Variants in EML3 observed in about 807,000 individuals in gnomAD.
EML3 encodes echinoderm microtubule-associated protein-like 3.
EML3 carries 53 observed loss-of-function variants against 106.7 expected under a neutral mutation model. The observed-to-expected ratio is 0.50, with a 90% CI of 0.40 to 0.62. The LOEUF is 0.62. Among genes scored for constraint, EML3 ranks in the 20% least tolerant of loss-of-function variants. The pLI, the probability that EML3 is intolerant of heterozygous loss-of-function variation, is 0.00. For synonymous variants in EML3, 499 were observed against 489.6 expected, an observed-to-expected ratio of 1.02 and a Z score of -0.25; for missense variants, 994 against 1,209.1, an observed-to-expected ratio of 0.82 and a Z score of 2.64.
At chr11:62,610,058 A>G (rs1942734564) in intron 4 of EML3, among the ~76,000 whole-genome samples, 1 of 152,200 alleles carries the variant, frequency 6.6e-6, no homozygotes, top group African/African-American at 2.4e-5. Context: ...CCTGGGTTCA[A>G]GCAATTCTCC....
At chr11:62,611,654 G>A in intron 1 of EML3, 58 bp from the exon 2 acceptor site, 1 of 1,536,370 alleles carries the variant, frequency 6.5e-7, no homozygotes, top group African/African-American at 1.4e-5. Flanking sequence ...AAGCGTAGAG[G>A]GGATTCTGTC....
chr11:62,608,881 C>A, intron 7 of EML3, 76 bp from the exon 8 acceptor site: 1 of 1,583,476 alleles, frequency 6.3e-7, no homozygotes, highest in South Asian at 1.2e-5. Context: ...GCTTGCAGAG[C>A]AGCAAGGCAA....
chr11:62,604,708 G>C (rs538064625), intron 16 of EML3: 11 of 196,760 alleles, frequency 5.6e-5, no homozygotes, highest in Non-Finnish European at 1.1e-4. Context: ...GAAATGGGAA[G>C]GAGCTAAGTG....
At chr11:62,604,908 C>T (rs771490349) in intron 16 of EML3, 11 of 430,934 alleles carry the variant, frequency 2.6e-5, no homozygotes, top group Non-Finnish European at 4.6e-5. Context: ...TTGGAGGAGA[C>T]ACTGGGTTGG....
intron 5 of EML3, 69 bp downstream of exon 5, chr11:62,609,560 G>A: frequency 2.6e-6 from 4 of 1,558,252 alleles, no homozygotes; most frequent in South Asian, 2.4e-5. Flanking sequence ...ACCCAAAATA[G>A]CTCCTGGGGC....
chr11:62,610,913 C>A lies in EML3; in HGVS notation c.532G>T (p.Ala178Ser), dbSNP rs543507884. 10 of 1,612,698 alleles carry A rather than the reference C, an allele frequency of 6.2e-6. No homozygotes were observed. The East Asian group carries it at 2.0e-4, about 32-fold the overall frequency. The stretch of plus-strand genomic sequence containing the variant: ...CTCCCGGACCGCACTAACAGGTTGG[C>A]GGAGGAGATTGCCTTCCTGGAGAGC... The part of the protein sequence containing the change: ...QKLSRKAISS[A>S]NLLVRSGSTE... The change falls in exon 4 of 22, where the codon GCC becomes TCC. Residue 178 changes from alanine to serine, a missense_variant. This residue lies in a region of EML3 where 269 missense variants were observed against 265.1 expected (regional missense o/e 1.01). Transcript: ENST00000394773.
In EML3 at chr11:62,602,388, G is replaced by A; in HGVS notation, c.*87C>T. 1 of 1,551,088 alleles carries A rather than the reference G, an allele frequency of 6.4e-7. No individual in the cohort carries two copies. The highest frequency in any genetic ancestry group is 1.2e-5 in the South Asian group (1 of 84,056). On this transcript the variant is annotated 3_prime_UTR_variant, in exon 22 of 22. Coordinates refer to ENST00000394773, the MANE Select transcript of EML3 (RefSeq NM_153265.3). ...CTCGAAGTCAGTCCAGGAAAGAGTC[G>A]GCCCCTAGTCGTGGGGGATTGGGCC...
At position 62,607,109 on chromosome 11, in the gene EML3, G is replaced by C. The variant is rs199862372; in HGVS notation, c.1363-10C>G. On this transcript the variant is annotated splice_polypyrimidine_tract_variant and intron_variant, in intron 11 of 21. Transcript: ENST00000394773. ...TGGGTTTCTTGTATTTCTAGTGGGA[G>C]GGGAGAGCAGACAGTAGAGGTCAAA... 6.3e-5 allele frequency: 101 copies of C among 1,613,208 alleles called. No homozygotes were observed. The highest frequency in any genetic ancestry group is 8.1e-5 in the Non-Finnish European group (95 of 1,179,690).
chr11:62,602,462 C>T lies in EML3; in HGVS notation c.*13G>A, dbSNP rs1942269977. 20 of 1,542,120 alleles carry T rather than the reference C, an allele frequency of 1.3e-5. No individual in the cohort carries two copies. The highest frequency in any genetic ancestry group is 1.8e-5 in the Non-Finnish European group (20 of 1,141,698). On this transcript the variant is annotated 3_prime_UTR_variant, in exon 22 of 22. Transcript: ENST00000394773. The stretch of plus-strand genomic sequence containing the variant: ...GCCACGCCGCCGGGCCAGTCGGTCC[C>T]GCCAGGCAGCGATCAAACGTCGAGG...
chr11:62,610,241 T>G (rs1198829834), intron 4 of EML3, among the ~76,000 whole-genome samples: 2 of 152,220 alleles, frequency 1.3e-5, no homozygotes, highest in Non-Finnish European at 2.9e-5. Flanking sequence ...CTCCAGAGAT[T>G]CCTGTCGTTA....
At chr11:62,607,343 A>C (rs1942582511) in intron 11 of EML3, 2 of 460,096 alleles carry the variant, frequency 4.3e-6, no homozygotes, top group African/African-American at 2.0e-5. Flanking sequence ...CAAAAAAAAA[A>C]CGGGCATGAT....
rs146889829 is a variant in EML3, at chr11:62,609,661, C to A, written c.602G>T (p.Gly201Val). ...GGKDPLSSPG[G>V]PGSRRSNYNL... ...GTAATTGCTCCTCCGAGATCCAGGGCCCCCAGGGCTGGAGAGGGGGTCTTT... is the reference window on the plus strand; with the variant it reads ...GTAATTGCTCCTCCGAGATCCAGGGACCCCAGGGCTGGAGAGGGGGTCTTT... The change falls in exon 5 of 22, where the codon GGC (glycine) becomes GTC (valine). Residue 201 changes from glycine to valine, a missense_variant. By Grantham distance (109) the Gly-to-Val change is moderately radical (BLOSUM62 -3). Around this residue, in one of 3 missense-constraint regions of EML3, gnomAD observed 269 missense variants for 265.1 expected, o/e 1.01. Transcript: ENST00000394773. The A allele has an allele frequency of 1.9e-6, 3 of 1,606,870 alleles. No homozygotes were observed. In the East Asian group the frequency reaches 6.8e-5, roughly 36 times the overall value.
intron 12 of EML3, among the ~76,000 whole-genome samples, chr11:62,606,702 C>A (rs1464333376): frequency 2.6e-5 from 4 of 152,122 alleles, no homozygotes; most frequent in African/African-American, 9.7e-5. Flanking sequence ...ACTAAAAATA[C>A]AAAAATTAGC....
intron 9 of EML3, 57 bp downstream of exon 9, chr11:62,608,485 G>A: frequency 1.3e-6 from 2 of 1,542,148 alleles, no homozygotes; most frequent in Non-Finnish European, 1.8e-6. Flanking sequence ...CTGGTGACAT[G>A]CAAGAGTGGG....
Position 62,612,611 on chromosome 11 carries a change from G to C in EML3, c.-154C>G. 1 of 665,932 alleles carries C rather than the reference G, an allele frequency of 1.5e-6. No homozygotes were observed. The highest frequency in any genetic ancestry group is 3.7e-5 in the East Asian group (1 of 27,234). The allele number at this position is 665,932 out of a possible 1,614,324, so 41.3% of individuals were successfully genotyped here. ...GGGGCGCTGTCGGGCGCGGGGAAGG[G>C]GCCTGGAGGGGGCGCTGTGGGCCCG... On this transcript the variant is annotated 5_prime_UTR_variant, in exon 1 of 22. Transcript: ENST00000394773.
At chr11:62,607,510 C>G (rs1207514791) in intron 11 of EML3, 156 bp downstream of exon 11, 3 of 856,088 alleles carry the variant, frequency 3.5e-6, no homozygotes, top group East Asian at 2.7e-5. Flanking sequence ...GCACTCTGGC[C>G]TGGGTGACAA....
At chr11:62,604,608 C>A in intron 16 of EML3, 1 of 237,760 alleles carries the variant, frequency 4.2e-6, no homozygotes, top group South Asian at 5.0e-5. Flanking sequence ...GAACTCCTGA[C>A]CTCAAGTGAT....
chr11:62,606,357 ATC>A, intron 12 of EML3, 143 bp from the exon 13 acceptor site: 12 of 953,356 alleles, frequency 1.3e-5, no homozygotes, highest in Non-Finnish European at 1.8e-5. Context: ...CTGCCAACAC[ATC>A]TGTTATTCTC....
intron 4 of EML3, 26 bp downstream of exon 4, chr11:62,610,853 G>A (rs1291750804): frequency 6.4e-7 from 1 of 1,565,734 alleles, no homozygotes; most frequent in East Asian, 2.3e-5. Context: ...CTGGGGCGGG[G>A]TGGGTTGAGG....
Sources: gnomAD v4.1 joint callset for allele counts (sites outside exome capture counted in the v4.1 genomes callset) on GRCh38, gnomAD v4.1.1 for gene constraint, gnomAD v4.1.1 regional missense constraint, MANE v1.5 for transcripts, NCBI Gene and HGNC (gene_info 2026-07-23, HGNC 2026-07-21) for gene names.